ADGRG6: variants seen among roughly 807,000 people sequenced by gnomAD.
ADGRG6 encodes the protein adhesion G protein-coupled receptor G6, also known as G-protein coupled receptor 126.
In ADGRG6, 84 loss-of-function variants were observed where a neutral mutation model predicts 142.4. The observed-to-expected ratio is 0.59, with a 90% CI of 0.49 to 0.71. The LOEUF is 0.71. Among genes scored for constraint, ADGRG6 ranks in the 30% least tolerant of loss-of-function variants. The probability of loss-of-function intolerance (pLI) is 0.00; values close to 1 mark genes in which losing one functional copy is unlikely to be tolerated. For missense variants in ADGRG6, 1,367 were observed against 1,466.6 expected, an observed-to-expected ratio of 0.93 and a Z score of 1.11; for synonymous variants, 521 against 520.5, an observed-to-expected ratio of 1.00 and a Z score of -0.01.
In ADGRG6 at chr6:142,400,615, C is replaced by G; in HGVS notation, c.1679+19C>G. 8.1e-7 allele frequency: 1 copy of G among 1,237,582 alleles called. No individual in the cohort carries two copies. Among genetic ancestry groups the G allele is most frequent in the Non-Finnish European group, 1.2e-6 (1 of 839,416 alleles). The allele number at this position is 1,237,582 out of a possible 1,614,324, so 76.7% of individuals were successfully genotyped here. On this transcript the variant is annotated intron_variant, in intron 11 of 24. Coordinates refer to ENST00000367609, the MANE Select transcript of ADGRG6 (RefSeq NM_198569.3). ...GGATATGGTAATATTTTCACTGACT[C>G]TTGCCAGCAAAGCTACATGTTATCA... is the stretch of plus-strand genomic sequence containing the variant.
intron 2 of ADGRG6, among the ~76,000 whole-genome samples, chr6:142,320,917 C>G (rs1778483987): frequency 1.3e-5 from 2 of 151,818 alleles, no homozygotes; most frequent in South Asian, 2.1e-4. Flanking sequence ...AATTCTATAT[C>G]TATCATACTT....
intron 1 of ADGRG6, among the ~76,000 whole-genome samples, chr6:142,303,537 T>G (rs901292606): frequency 4.6e-5 from 7 of 152,232 alleles, no homozygotes; most frequent in African/African-American, 1.7e-4. Flanking sequence ...CCTGGGAGTT[T>G]TAAAGTTTCA....
chr6:142,419,366 A>G (rs994436497), intron 21 of ADGRG6, among the ~76,000 whole-genome samples: 2 of 152,174 alleles, frequency 1.3e-5, no homozygotes, highest in Non-Finnish European at 2.9e-5. Context: ...TCTACCACTA[A>G]TAGCTCTTCC....
rs983484914 is a variant in ADGRG6, at chr6:142,377,662, C to A, written c.1070-4289C>A. Among the ~76,000 whole-genome samples the A allele has an allele frequency of 2.6e-5, 4 of 152,332 alleles. No homozygotes were observed. In the South Asian group the frequency reaches 8.3e-4, roughly 32 times the overall value. ...CCAATTTGTTGATGATAAAACATATCATTATCCAGGAGAGTGGATTGTTTG... is the reference window on the plus strand; with the variant it reads ...CCAATTTGTTGATGATAAAACATATAATTATCCAGGAGAGTGGATTGTTTG... On this transcript the variant is annotated intron_variant, in intron 4 of 24. Transcript: ENST00000367609.
chr6:142,314,756 A>G (rs975551300), intron 2 of ADGRG6, among the ~76,000 whole-genome samples: 7 of 152,208 alleles, frequency 4.6e-5, no homozygotes, highest in Non-Finnish European at 1.0e-4. Context: ...AAGTGATAAC[A>G]GACTTCTTCT....
chr6:142,318,259 TTATTATATATATTTA>T (rs1454141837), intron 2 of ADGRG6, among the ~76,000 whole-genome samples: 5 of 59,200 alleles, frequency 8.4e-5, no homozygotes, highest in East Asian at 4.4e-4. Flanking sequence ...TTATATATAT[TTATTATATATATTTA>T]TATTATATAT....
intron 2 of ADGRG6, among the ~76,000 whole-genome samples, chr6:142,327,650 T>G (rs1474917879): frequency 6.6e-6 from 1 of 152,148 alleles, no homozygotes; most frequent in Non-Finnish European, 1.5e-5. Flanking sequence ...CAATCTTTAT[T>G]CATCCTATTT....
chr6:142,405,538 G>A, intron 14 of ADGRG6, 150 bp from the exon 15 acceptor site: 4 of 691,784 alleles, frequency 5.8e-6, no homozygotes, highest in Non-Finnish European at 7.8e-6. Context: ...TTATCCAGGA[G>A]TTGCAGTGAC....
intron 2 of ADGRG6, among the ~76,000 whole-genome samples, chr6:142,317,993 ATATATTATATATAATATT>A (rs1778225999): frequency 3.8e-5 from 2 of 52,120 alleles, no homozygotes; most frequent in Non-Finnish European, 6.3e-5. Flanking sequence ...TTACATATTT[ATATATTATATATAATATT>A]TATGTTATAT....
intron 2 of ADGRG6, among the ~76,000 whole-genome samples, chr6:142,332,492 C>CTTTTTTTTTTTTTT (rs11314004): frequency 7.1e-6 from 1 of 141,706 alleles, no homozygotes; most frequent in Non-Finnish European, 1.5e-5. Context: ...ATGTTTTTTG[C>CTTTTTTTTTTTTTT]TTTTTTTTTT....
chr6:142,302,424 A>C, intron 1 of ADGRG6, 93 bp downstream of exon 1: 1 of 1,362,312 alleles, frequency 7.3e-7, no homozygotes, highest in Non-Finnish European at 1.0e-6. Flanking sequence ...CCTCAAGAGA[A>C]ATGATTTTAT....
chr6:142,360,981 C>T (rs1024604129), intron 2 of ADGRG6, among the ~76,000 whole-genome samples: 4 of 152,168 alleles, frequency 2.6e-5, no homozygotes, highest in Admixed American at 1.3e-4. Flanking sequence ...CCCTTAGCTT[C>T]CTGTATTTCC....
At chr6:142,302,451 C>T (rs1190280506) in intron 1 of ADGRG6, 120 bp downstream of exon 1, 3 of 1,046,486 alleles carry the variant, frequency 2.9e-6, no homozygotes, top group African/African-American at 1.6e-5. Flanking sequence ...TTCAACTGCA[C>T]GGAGGGAATA....
intron 10 of ADGRG6, among the ~76,000 whole-genome samples, chr6:142,398,256 T>C (rs897468199): frequency 3.3e-5 from 5 of 152,180 alleles, no homozygotes; most frequent in African/African-American, 1.2e-4. Context: ...GGAGACTGTC[T>C]CTACGAAAGA....
At chr6:142,332,073 G>T (rs1236444170) in intron 2 of ADGRG6, among the ~76,000 whole-genome samples, 1 of 152,110 alleles carries the variant, frequency 6.6e-6, no homozygotes, top group Non-Finnish European at 1.5e-5. Context: ...TTCAGAAAAA[G>T]AGAAACCATA....
rs1299990534 is a variant in ADGRG6, at chr6:142,370,540, T to C, written c.816T>C (p.Tyr272=). ...GSIGVNFKRN[Y]ETVPCDSTIS... ...TTGGTGTAAATTTCAAAAGAAACTA[T>C]GAAACAGTTCCATGTGATTCTACCA... Residue 272 remains tyrosine (Y), a synonymous_variant, in exon 4 of 25, where the codon TAT becomes TAC. Coordinates refer to ENST00000367609, the MANE Select transcript of ADGRG6 (RefSeq NM_198569.3). The C allele has an allele frequency of 3.1e-6, 5 of 1,613,534 alleles. No homozygotes were observed. Among genetic ancestry groups the C allele is most frequent in the Non-Finnish European group, 3.4e-6 (4 of 1,179,590 alleles).
intron 15 of ADGRG6, among the ~76,000 whole-genome samples, chr6:142,406,850 A>G (rs1775829589): frequency 6.6e-6 from 1 of 152,198 alleles, no homozygotes; most frequent in Non-Finnish European, 1.5e-5. Flanking sequence ...CCTTAAAACC[A>G]ATATAAAAAT....
chr6:142,390,352 G>A lies in ADGRG6; in HGVS notation c.1308+9G>A, dbSNP rs373210620. ...GCAAGGTGGCAGAATGGGTAAGTGA[G>A]CTTGTAACTTTTCTTTTTTAAAAAA... is the stretch of plus-strand genomic sequence containing the variant. On this transcript the variant is annotated intron_variant, in intron 7 of 24. Coordinates refer to ENST00000367609, the MANE Select transcript of ADGRG6 (RefSeq NM_198569.3). 4.1e-5 allele frequency: 63 copies of A among 1,530,778 alleles called. No individual in the cohort carries two copies. Among genetic ancestry groups the A allele is most frequent in the Non-Finnish European group, 5.5e-5 (62 of 1,117,628 alleles). The allele number at this position is 1,530,778 out of a possible 1,614,324, so 94.8% of individuals were successfully genotyped here. A position where few individuals can be genotyped will look rare whatever the true frequency, so the allele number is the denominator to read the frequency against.
chr6:142,377,017 C>T (rs1340266721), intron 4 of ADGRG6, among the ~76,000 whole-genome samples: 1 of 152,144 alleles, frequency 6.6e-6, no homozygotes, highest in Non-Finnish European at 1.5e-5. Flanking sequence ...GAAAGTACAA[C>T]AGATAGAGAA....
Sources: allele counts gnomAD v4.1 joint callset (sites outside exome capture counted in the v4.1 genomes callset), GRCh38; gene constraint gnomAD v4.1.1; transcripts MANE v1.5; gene names NCBI Gene and HGNC (gene_info 2026-07-23, HGNC 2026-07-21).